The following CUX2 variants were observed in gnomAD, a reference collection of about 807,000 sequenced individuals.
CUX2 encodes homeobox protein cut-like 2.
In CUX2, 40 loss-of-function variants were observed where a neutral mutation model predicts 144.8. The observed-to-expected ratio is 0.28, with a 90% CI of 0.21 to 0.36. CUX2 has a LOEUF of 0.36. Among genes scored for constraint, CUX2 ranks in the 10% least tolerant of loss-of-function variants. The probability of loss-of-function intolerance (pLI) is 1.00; values close to 1 mark genes in which losing one functional copy is unlikely to be tolerated. For missense variants in CUX2, 1,615 were observed against 1,994.0 expected, an observed-to-expected ratio of 0.81 and a Z score of 3.62; for synonymous variants, 827 against 875.6, an observed-to-expected ratio of 0.94 and a Z score of 0.98.
intron 3 of CUX2, among the ~76,000 whole-genome samples, chr12:111,226,007 A>C (rs1882119264): frequency 6.6e-6 from 1 of 152,126 alleles, no homozygotes; most frequent in South Asian, 2.1e-4. Flanking sequence ...GCAGCAGCGC[A>C]ATCTCAGCTC....
In CUX2 at chr12:111,311,953, A is replaced by G. The variant is rs1001462222; in HGVS notation, c.1901-147A>G. Reference sequence around the variant, plus strand: ...ATCACTCACAGGCCCACAGTTTGTTACATAGACTAAGCAGTGGCCCTGCCA... The same window carrying G: ...ATCACTCACAGGCCCACAGTTTGTTGCATAGACTAAGCAGTGGCCCTGCCA... On this transcript the variant is annotated intron_variant, in intron 15 of 21. Coordinates refer to ENST00000261726, the MANE Select transcript of CUX2 (RefSeq NM_015267.4). The G allele has an allele frequency of 1.4e-5, 8 of 571,604 alleles. No individual in the cohort carries two copies. In the African/African-American group the frequency reaches 1.5e-4, roughly 11 times the overall value. 35.4% of individuals were successfully genotyped at this position (571,604 alleles called of 1,614,324 possible).
Position 111,257,356 on chromosome 12 carries a change from TTCC to T in CUX2, c.223-6392_223-6390del, listed in dbSNP as rs537225876. ...CCCCTTCCTCCTCTTCCTCCTCCGCTTCCTCCTCCTCCTCCCACTTCTTCCTCC... is the reference window on the plus strand; with the variant it reads ...CCCCTTCCTCCTCTTCCTCCTCCGCTTCCTCCTCCTCCCACTTCTTCCTCC... On this transcript the variant is annotated intron_variant, in intron 3 of 21. Coordinates refer to ENST00000261726, the MANE Select transcript of CUX2 (RefSeq NM_015267.4). 3.1e-3 allele frequency among the ~76,000 whole-genome samples: 255 copies of T among 82,390 alleles called. 6 individuals are homozygous for T. Among genetic ancestry groups the T allele is most frequent in the Non-Finnish European group, 2.8e-3 (116 of 41,844 alleles). The allele number at this position is 82,390 out of a possible 152,430, so 54.1% of individuals were successfully genotyped here. A position where few individuals can be genotyped will look rare whatever the true frequency, so the allele number is the denominator to read the frequency against.
intron 1 of CUX2, among the ~76,000 whole-genome samples, chr12:111,060,865 G>GC (rs955636775): frequency 2.0e-5 from 3 of 152,204 alleles, no homozygotes; most frequent in African/African-American, 4.8e-5. Context: ...GGAAGCCTTA[G>GC]CCCCCTCTTC....
At chr12:111,274,059 G>T (rs1413779617) in intron 4 of CUX2, among the ~76,000 whole-genome samples, 1 of 152,018 alleles carries the variant, frequency 6.6e-6, no homozygotes, top group Non-Finnish European at 1.5e-5. Flanking sequence ...TTGATTTTTT[G>T]TTGTTGTTTT....
chr12:111,224,252 G>A (rs955026298), intron 3 of CUX2, among the ~76,000 whole-genome samples: 7 of 152,030 alleles, frequency 4.6e-5, no homozygotes, highest in Admixed American at 1.3e-4. Flanking sequence ...GACAATCGTC[G>A]GTGGGGAAGG....
chr12:111,045,261 A>G (rs1301296851), intron 1 of CUX2, among the ~76,000 whole-genome samples: 1 of 151,968 alleles, frequency 6.6e-6, no homozygotes. Flanking sequence ...GGGGAGACCC[A>G]TCTTTCCTTC....
intron 20 of CUX2, among the ~76,000 whole-genome samples, chr12:111,340,205 A>AT (rs1024080982): frequency 3.5e-4 from 54 of 152,308 alleles, no homozygotes; most frequent in Non-Finnish European, 6.6e-4. Context: ...TCTAAAAAAA[A>AT]ATGCATTTTC....
intron 5 of CUX2, among the ~76,000 whole-genome samples, chr12:111,291,986 A>AGT: frequency 6.6e-6 from 1 of 152,270 alleles, no homozygotes; most frequent in East Asian, 1.9e-4. Context: ...GTGATGGCTG[A>AGT]GTGTCCACAT....
chr12:111,074,228 C>T (rs918238807), intron 1 of CUX2, among the ~76,000 whole-genome samples: 1 of 151,892 alleles, frequency 6.6e-6, no homozygotes, highest in Non-Finnish European at 1.5e-5. Context: ...GTTTCCCAGT[C>T]GAGGCTTCTC....
rs1453172973 is a variant in CUX2 at position 111,350,477 on chromosome 12, T to C, written c.*2152T>C. 1.3e-5 allele frequency: 2 copies of C among 152,266 alleles called. No homozygotes were observed. Among genetic ancestry groups the C allele is most frequent in the African/African-American group, 4.8e-5 (2 of 41,354 alleles). The allele number at this position is 152,266 out of a possible 1,614,324, so 9.4% of individuals were successfully genotyped here. ...ATACACAAACCGTTTCTATGAGAGA[T>C]TGATGAACTTTGTTTAAAATTTTAA... On this transcript the variant is annotated 3_prime_UTR_variant, in exon 22 of 22. Coordinates refer to ENST00000261726, the MANE Select transcript of CUX2 (RefSeq NM_015267.4).
At chr12:111,154,908 C>T (rs1424975671) in intron 1 of CUX2, among the ~76,000 whole-genome samples, 2 of 152,140 alleles carry the variant, frequency 1.3e-5, no homozygotes, top group African/African-American at 4.8e-5. Context: ...TGCTTTGGGG[C>T]ACTTGGGCAG....
intron 19 of CUX2, among the ~76,000 whole-genome samples, chr12:111,337,147 C>A (rs1463966110): frequency 6.6e-6 from 1 of 151,962 alleles, no homozygotes; most frequent in East Asian, 1.9e-4. Context: ...TGCAGTCCAG[C>A]CTGGGTGATA....
At position 111,320,008 on chromosome 12, in the gene CUX2, G is replaced by T. The variant is rs1215702044; in HGVS notation, c.2003-4G>T. ...CTCGGGCCGTCCTGTCCCCCTCCCC[G>T]CAGGCGAGCCCAAGACCTCGGTGGC... On this transcript the variant is annotated splice_region_variant and splice_polypyrimidine_tract_variant and intron_variant, in intron 16 of 21. Transcript: ENST00000261726. This position sits in a 1 kb window ranked among gnomAD's most constrained non-coding sequence, Gnocchi z 8.1. The T allele has an allele frequency of 2.0e-6, 3 of 1,503,764 alleles. No homozygotes were observed. The highest frequency in any genetic ancestry group is 2.6e-6 in the Non-Finnish European group (3 of 1,133,260). The allele number at this position is 1,503,764 out of a possible 1,614,324, so 93.2% of individuals were successfully genotyped here. A position where few individuals can be genotyped will look rare whatever the true frequency, so the allele number is the denominator to read the frequency against.
Position 111,237,767 on chromosome 12 carries a change from T to C in CUX2, c.222+19830T>C, listed in dbSNP as rs149789517. 9.3e-4 allele frequency among the ~76,000 whole-genome samples: 141 copies of C among 152,236 alleles called. No individual in the cohort carries two copies. The East Asian group carries it at 0.01, about 11-fold the overall frequency. Reference sequence around the variant, plus strand: ...TGTGCCCCTTCCCTCTTCTCACCCGTCATTGCACTTCTTTGAAAATGCTGT... The same window carrying C: ...TGTGCCCCTTCCCTCTTCTCACCCGCCATTGCACTTCTTTGAAAATGCTGT... On this transcript the variant is annotated intron_variant, in intron 3 of 21. Transcript: ENST00000261726.
chr12:111,038,153 C>T (rs987350071), intron 1 of CUX2, among the ~76,000 whole-genome samples: 3 of 152,134 alleles, frequency 2.0e-5, no homozygotes, highest in Non-Finnish European at 2.9e-5. Context: ...TAGAAAAGAG[C>T]AGGGATGTGA....
At chr12:111,236,590 CAG>C (rs1442570614) in intron 3 of CUX2, among the ~76,000 whole-genome samples, 1 of 152,060 alleles carries the variant, frequency 6.6e-6, no homozygotes, top group Non-Finnish European at 1.5e-5. Flanking sequence ...TGGGGTGAGA[CAG>C]GGAGAGAGAG....
rs115522713 is a variant in CUX2, at chr12:111,298,077, G to A, written c.705-464G>A. ...CCTTGGGTCACAAAGTGCTCCCCAC[G>A]TGCCCCCCGCGTCTCCCACCCCCTG... On this transcript the variant is annotated intron_variant, in intron 8 of 21. Coordinates refer to ENST00000261726, the MANE Select transcript of CUX2 (RefSeq NM_015267.4). Among the ~76,000 whole-genome samples, 340 of 152,240 alleles carry A rather than the reference G, an allele frequency of 2.2e-3. 1 individual carries two copies. The highest frequency in any genetic ancestry group is 7.6e-3 in the African/African-American group (315 of 41,550).
At chr12:111,199,493 G>A (rs1435128870) in intron 1 of CUX2, among the ~76,000 whole-genome samples, 1 of 152,148 alleles carries the variant, frequency 6.6e-6, no homozygotes, top group East Asian at 1.9e-4. Flanking sequence ...TTTGAACCCA[G>A]CCCACACACC....
At chr12:111,136,160 A>T (rs570547269) in intron 1 of CUX2, among the ~76,000 whole-genome samples, 1 of 152,006 alleles carries the variant, frequency 6.6e-6, no homozygotes, top group Non-Finnish European at 1.5e-5. Flanking sequence ...CCGGGACCCC[A>T]TGAGAAGGAT....
Sources: allele counts gnomAD v4.1 joint callset (sites outside exome capture counted in the v4.1 genomes callset), GRCh38; gene constraint gnomAD v4.1.1; non-coding constraint Gnocchi (gnomAD v3.1); transcripts MANE v1.5; gene names NCBI Gene and HGNC (gene_info 2026-07-23, HGNC 2026-07-21).